ATP8A2: variants seen among roughly 807,000 people sequenced by gnomAD.
The protein encoded by ATP8A2 is ATPase phospholipid transporting 8A2.
Under a neutral mutation model 165.6 loss-of-function variants are expected in ATP8A2, and 100 were observed. The ratio of observed to expected loss-of-function variants is 0.60; its 90% CI spans 0.51 to 0.71. ATP8A2 has a LOEUF of 0.71. Among genes scored for constraint, ATP8A2 ranks in the 30% least tolerant of loss-of-function variants. The pLI, the probability that ATP8A2 is intolerant of heterozygous loss-of-function variation, is 0.00. For missense variants in ATP8A2, 1,227 were observed against 1,479.5 expected (o/e 0.83, Z 2.80); for synonymous variants, 543 against 548.8 (o/e 0.99, Z 0.15).
At chr13:25,913,401 G>C (rs182593275) in intron 33 of ATP8A2, among the ~76,000 whole-genome samples, 85 of 152,260 alleles carry the variant, frequency 5.6e-4, no homozygotes, top group Middle Eastern at 3.4e-3. Context: ...ACATCATTCT[G>C]ACCTTCTTTG....
intron 33 of ATP8A2, among the ~76,000 whole-genome samples, chr13:25,894,845 T>G (rs1953485392): frequency 6.6e-6 from 1 of 152,188 alleles, no homozygotes; most frequent in Admixed American, 6.5e-5. Flanking sequence ...TGTCTGTTAT[T>G]GGTGTATAAG....
At chr13:25,940,413 C>T (rs1566287226) in intron 33 of ATP8A2, among the ~76,000 whole-genome samples, 1 of 152,184 alleles carries the variant, frequency 6.6e-6, no homozygotes, top group African/African-American at 2.4e-5. Flanking sequence ...CACTTTCCCT[C>T]TTGAGGTTTT....
chr13:26,001,019 A>G (rs1956622104), intron 35 of ATP8A2, among the ~76,000 whole-genome samples: 1 of 152,194 alleles, frequency 6.6e-6, no homozygotes, highest in Non-Finnish European at 1.5e-5. Flanking sequence ...TGTGTGACGC[A>G]GTCCTTCCCA....
At chr13:25,994,238 A>C (rs1956448948) in intron 35 of ATP8A2, among the ~76,000 whole-genome samples, 1 of 151,992 alleles carries the variant, frequency 6.6e-6, no homozygotes, top group African/African-American at 2.4e-5. Flanking sequence ...TTATATCTAT[A>C]CATAAATATA....
intron 1 of ATP8A2, among the ~76,000 whole-genome samples, chr13:25,414,186 G>GTTTTTTTTT: frequency 8.4e-6 from 1 of 119,054 alleles, no homozygotes; most frequent in Non-Finnish European, 1.8e-5. Flanking sequence ...GGGCTGTGGT[G>GTTTTTTTTT]TTTTTTTTTT....
At chr13:25,697,560 C>G (rs188632023) in intron 24 of ATP8A2, among the ~76,000 whole-genome samples, 1 of 152,260 alleles carries the variant, frequency 6.6e-6, no homozygotes, top group African/African-American at 2.4e-5. Flanking sequence ...GGATTATAGG[C>G]GTGAGCCACT....
At position 26,024,007 on chromosome 13, in the gene ATP8A2, A is replaced by G. The variant is rs1017650967; in HGVS notation, c.*4022A>G. The G allele has an allele frequency of 6.6e-6, 1 of 152,214 alleles. No individual in the cohort carries two copies. The highest frequency in any genetic ancestry group is 1.5e-5 in the Non-Finnish European group (1 of 68,036). The allele number at this position is 152,214 out of a possible 1,614,324, so 9.4% of individuals were successfully genotyped here. A position where few individuals can be genotyped will look rare whatever the true frequency, so the allele number is the denominator to read the frequency against. ...CTCAAGAAATGTTTTCTTCATGTAAATGTTTATACGGGCATATATAATCAC... is the reference window on the plus strand; with the variant it reads ...CTCAAGAAATGTTTTCTTCATGTAAGTGTTTATACGGGCATATATAATCAC... On this transcript the variant is annotated 3_prime_UTR_variant, in exon 37 of 37. Transcript: ENST00000381655.
chr13:25,597,633 A>G (rs2040270471), intron 24 of ATP8A2, among the ~76,000 whole-genome samples: 1 of 152,194 alleles, frequency 6.6e-6, no homozygotes, highest in African/African-American at 2.4e-5. Flanking sequence ...GGAAACAGGT[A>G]CTTCTCCAGT....
chr13:25,505,206 G>C (rs909992182), intron 2 of ATP8A2, among the ~76,000 whole-genome samples: 20 of 141,740 alleles, frequency 1.4e-4, no homozygotes, highest in Non-Finnish European at 1.8e-4. Flanking sequence ...GCGGGGCGGG[G>C]GGGGGTGGTG....
In ATP8A2 at chr13:25,372,155, G is replaced by T; in HGVS notation, c.-58G>T. On this transcript the variant is annotated 5_prime_UTR_variant, in exon 1 of 37. Transcript: ENST00000381655. The surrounding 1 kb of genome is among the most constrained non-coding windows in gnomAD (Gnocchi z 4.8). ...CCTCGGGCGGCGGCCCCTGCGCCCA[G>T]CCCTGCGCGTAGCCTCCGTCTCTCG... The T allele has an allele frequency of 2.3e-6, 3 of 1,288,352 alleles. No homozygotes were observed. The highest frequency in any genetic ancestry group is 3.3e-5 in the East Asian group (1 of 30,276). The allele number at this position is 1,288,352 out of a possible 1,614,324, so 79.8% of individuals were successfully genotyped here. A position where few individuals can be genotyped will look rare whatever the true frequency, so the allele number is the denominator to read the frequency against.
At chr13:25,531,678 G>A (rs1219599921) in intron 4 of ATP8A2, among the ~76,000 whole-genome samples, 1 of 151,932 alleles carries the variant, frequency 6.6e-6, no homozygotes. Context: ...CCGACATGAT[G>A]CCACAAGTGG....
chr13:25,587,051 T>C (rs1242359572), intron 23 of ATP8A2, among the ~76,000 whole-genome samples: 1 of 152,194 alleles, frequency 6.6e-6, no homozygotes, highest in Non-Finnish European at 1.5e-5. Context: ...TCTCAGTCAT[T>C]TTATGGCCGT....
chr13:25,428,011 C>A (rs1215866086), intron 1 of ATP8A2, among the ~76,000 whole-genome samples: 1 of 151,908 alleles, frequency 6.6e-6, no homozygotes, highest in Non-Finnish European at 1.5e-5. Context: ...TGGCAAAACC[C>A]CATCTCTACA....
intron 24 of ATP8A2, among the ~76,000 whole-genome samples, chr13:25,675,134 A>G (rs2042346502): frequency 6.6e-6 from 1 of 152,180 alleles, no homozygotes; most frequent in Non-Finnish European, 1.5e-5. Context: ...AGGTGAGCAT[A>G]TGAAGCAGAC....
At chr13:25,699,406 C>CA in intron 25 of ATP8A2, 61 bp downstream of exon 25, 2 of 1,243,368 alleles carry the variant, frequency 1.6e-6, no homozygotes, top group Non-Finnish European at 2.1e-6. Flanking sequence ...CGTGCTTATA[C>CA]AAAAGAAAGG....
chr13:25,798,135 A>G (rs1950534730), intron 27 of ATP8A2, among the ~76,000 whole-genome samples: 1 of 152,146 alleles, frequency 6.6e-6, no homozygotes, highest in East Asian at 1.9e-4. Flanking sequence ...AGGTTCCTTC[A>G]CCCTTGAGAA....
chr13:25,717,251 G>A (rs775902482), intron 25 of ATP8A2, among the ~76,000 whole-genome samples: 1 of 152,030 alleles, frequency 6.6e-6, no homozygotes, highest in Non-Finnish European at 1.5e-5. Context: ...AAAATTGGGA[G>A]GATTTGTAGT....
At chr13:25,915,177 C>A (rs1954232455) in intron 33 of ATP8A2, among the ~76,000 whole-genome samples, 1 of 152,152 alleles carries the variant, frequency 6.6e-6, no homozygotes, top group African/African-American at 2.4e-5. Context: ...TGAAATTCTT[C>A]TTTATAGAAA....
intron 33 of ATP8A2, among the ~76,000 whole-genome samples, chr13:25,872,456 C>T (rs773129707): frequency 2.6e-5 from 4 of 152,160 alleles, no homozygotes; most frequent in Non-Finnish European, 1.5e-5. Flanking sequence ...TAGATATTGT[C>T]GTTCTATAGC....
Sources: allele counts gnomAD v4.1 joint callset (sites outside exome capture counted in the v4.1 genomes callset), GRCh38; gene constraint gnomAD v4.1.1; non-coding constraint Gnocchi (gnomAD v3.1); transcripts MANE v1.5; gene names NCBI Gene and HGNC (gene_info 2026-07-23, HGNC 2026-07-21).